Variants in DISP1 observed in about 807,000 individuals in gnomAD.
DISP1 encodes the protein dispatched RND transporter family member 1.
DISP1 carries 30 observed loss-of-function variants against 37.3 expected under a neutral mutation model. That is an observed-to-expected ratio of 0.80 (90% CI 0.60 to 1.09). The LOEUF (loss-of-function observed/expected upper bound fraction) is 1.09. Ranked by LOEUF, DISP1 falls within the 50% of genes least tolerant of loss-of-function variation. The probability of loss-of-function intolerance (pLI) is 0.00; values close to 1 mark genes in which losing one functional copy is unlikely to be tolerated. For missense variants in DISP1, 1,598 were observed against 1,879.5 expected (o/e 0.85, Z 2.77); for synonymous variants, 634 against 690.2 (o/e 0.92, Z 1.28).
intron 3 of DISP1, among the ~76,000 whole-genome samples, chr1:222,958,712 G>A (rs73130612): frequency 0.12 from 17,541 of 152,032 alleles, 2,636 homozygotes; most frequent in African/African-American, 0.35. Context: ...GCAATTCTTC[G>A]TCATTGTGAA....
rs1345467257 is a variant in DISP1, at chr1:222,902,703, CTCATCA to C, written c.-158-25723_-158-25718del. Among the ~76,000 whole-genome samples the C allele has an allele frequency of 2.0e-5, 3 of 152,224 alleles. No individual in the cohort carries two copies. In the East Asian group the frequency reaches 5.8e-4, roughly 29 times the overall value. ...CAGCCAAAAAACACATGAAAAAATG[CTCATCA>C]TCACTGGCCATGAGAGAAATGTAAA... On this transcript the variant is annotated intron_variant, in intron 1 of 8. Transcript: ENST00000675850.
At chr1:222,834,516 G>A (rs1666533598) in intron 1 of DISP1, among the ~76,000 whole-genome samples, 1 of 152,170 alleles carries the variant, frequency 6.6e-6, no homozygotes, top group Non-Finnish European at 1.5e-5. Context: ...AGATGATCTA[G>A]ACCATAAAGG....
Position 222,885,768 on chromosome 1 carries a change from G to T in DISP1, c.-158-42662G>T, listed in dbSNP as rs867392685. Among the ~76,000 whole-genome samples, 32 of 152,064 alleles carry T rather than the reference G, an allele frequency of 2.1e-4. 1 individual carries two copies. Among genetic ancestry groups the T allele is most frequent in the African/African-American group, 7.7e-4 (32 of 41,388 alleles). The stretch of plus-strand genomic sequence containing the variant: ...GTGCTTCCTGCTCCTTGGTGTCATT[G>T]CTTCTGGGTCCTTTGAGTGGGCAGA... On this transcript the variant is annotated intron_variant, in intron 1 of 8. Coordinates refer to ENST00000675850, the MANE Select transcript of DISP1 (RefSeq NM_001377229.1).
chr1:222,865,422 C>G (rs1466884994), intron 1 of DISP1, among the ~76,000 whole-genome samples: 1 of 151,998 alleles, frequency 6.6e-6, no homozygotes, highest in African/African-American at 2.4e-5. Flanking sequence ...TTAAGTTGTC[C>G]CCTCCCATAC....
intron 1 of DISP1, among the ~76,000 whole-genome samples, chr1:222,844,559 T>C (rs1667791398): frequency 6.6e-6 from 1 of 152,136 alleles, no homozygotes; most frequent in African/African-American, 2.4e-5. Context: ...ATTAGTGTTG[T>C]AACTGAAACA....
intron 1 of DISP1, among the ~76,000 whole-genome samples, chr1:222,922,316 T>C (rs1430163238): frequency 6.6e-6 from 1 of 152,060 alleles, no homozygotes; most frequent in Non-Finnish European, 1.5e-5. Context: ...GTTGCTTAGA[T>C]AAGGTAGAAA....
At chr1:222,861,939 T>G (rs1572365357) in intron 1 of DISP1, among the ~76,000 whole-genome samples, 1 of 152,298 alleles carries the variant, frequency 6.6e-6, no homozygotes, top group East Asian at 1.9e-4. Context: ...ATGTGTTTTT[T>G]TATAGTACAT....
At chr1:222,927,393 G>T (rs574260011) in intron 1 of DISP1, among the ~76,000 whole-genome samples, 3 of 151,844 alleles carry the variant, frequency 2.0e-5, no homozygotes, top group South Asian at 2.1e-4. Context: ...TTTTAAATTG[G>T]ATTATTTGTC....
chr1:222,844,076 C>T (rs1259776094), intron 1 of DISP1, among the ~76,000 whole-genome samples: 1 of 151,974 alleles, frequency 6.6e-6, no homozygotes, highest in East Asian at 1.9e-4. Flanking sequence ...TTTAAAACAG[C>T]ATTTACACAT....
intron 3 of DISP1, chr1:222,979,741 C>T (rs914881765): frequency 4.4e-6 from 2 of 458,030 alleles, no homozygotes; most frequent in Non-Finnish European, 9.1e-6. Context: ...CCCTGCACTC[C>T]GTCCCTCTAT....
At chr1:222,865,825 A>C (rs1395591777) in intron 1 of DISP1, among the ~76,000 whole-genome samples, 1 of 152,186 alleles carries the variant, frequency 6.6e-6, no homozygotes, top group Non-Finnish European at 1.5e-5. Flanking sequence ...ACAGAATAAT[A>C]ACTATAAGAG....
rs1329115059 is a variant in DISP1, at chr1:222,966,134, T to G, written c.510-16946T>G. Among the ~76,000 whole-genome samples the G allele has an allele frequency of 2.6e-5, 4 of 152,280 alleles. No homozygotes were observed. In the East Asian group the frequency reaches 5.8e-4, roughly 22 times the overall value. ...AGTTTTACACTGTAAATCAGTGTAA[T>G]TTTTTACACTGAAGCATTTCTTTGT... On this transcript the variant is annotated intron_variant, in intron 3 of 8. Coordinates refer to ENST00000675850, the MANE Select transcript of DISP1 (RefSeq NM_001377229.1).
At chr1:222,991,463 T>C (rs1678687455) in intron 5 of DISP1, 57 bp from the exon 6 acceptor site, 4 of 1,609,048 alleles carry the variant, frequency 2.5e-6, no homozygotes, top group East Asian at 4.5e-5. Context: ...GCTTTTATTG[T>C]AACTGTACTT....
At chr1:222,908,141 A>G (rs1320874308) in intron 1 of DISP1, among the ~76,000 whole-genome samples, 2 of 152,152 alleles carry the variant, frequency 1.3e-5, no homozygotes, top group Non-Finnish European at 2.9e-5. Flanking sequence ...TGGAAAGTAC[A>G]ATGTCAATTT....
intron 1 of DISP1, among the ~76,000 whole-genome samples, chr1:222,874,417 A>G (rs1035838109): frequency 1.6e-4 from 25 of 152,206 alleles, no homozygotes; most frequent in African/African-American, 4.8e-4. Context: ...GTCTTTTGAC[A>G]TAGTCCCATA....
chr1:222,980,410 A>AGTGT (rs3028495), intron 3 of DISP1, among the ~76,000 whole-genome samples: 7,955 of 148,070 alleles, frequency 0.054, 401 homozygotes, highest in African/African-American at 0.13. Context: ...GATGTAACAA[A>AGTGT]GTGTGTGTGT....
intron 1 of DISP1, among the ~76,000 whole-genome samples, chr1:222,850,500 T>C (rs1215797233): frequency 6.6e-6 from 1 of 152,142 alleles, no homozygotes; most frequent in African/African-American, 2.4e-5. Context: ...TAGGTAAACA[T>C]GTATCATGGG....
chr1:222,957,305 CA>C (rs1335808029), intron 3 of DISP1, among the ~76,000 whole-genome samples: 1 of 152,072 alleles, frequency 6.6e-6, no homozygotes, highest in African/African-American at 2.4e-5. Flanking sequence ...ATGAATTTCC[CA>C]GGCCGGGCAC....
At position 222,830,582 on chromosome 1, in the gene DISP1, A is replaced by C. The variant is rs567103943; in HGVS notation, c.-159+15504A>C. Among the ~76,000 whole-genome samples the C allele has an allele frequency of 5.3e-5, 8 of 152,126 alleles. No homozygotes were observed. The South Asian group carries it at 1.7e-3, about 32-fold the overall frequency. On this transcript the variant is annotated intron_variant, in intron 1 of 8. Transcript: ENST00000675850. ...TTTTTAGTAGAGACAAGGTTTAGTT[A>C]TGTTGGTCAGGCTGGTCTCGAACTC... is the stretch of plus-strand genomic sequence containing the variant.
Sources: allele counts gnomAD v4.1 joint callset (sites outside exome capture counted in the v4.1 genomes callset), GRCh38; gene constraint gnomAD v4.1.1; transcripts MANE v1.5; gene names NCBI Gene and HGNC (gene_info 2026-07-23, HGNC 2026-07-21).